IFT140: variants seen among roughly 807,000 people sequenced by gnomAD.
IFT140 encodes the protein intraflagellar transport protein 140 homolog.
In IFT140, 133 loss-of-function variants were observed where a neutral mutation model predicts 164.6. That is an observed-to-expected ratio of 0.81 (90% CI 0.70 to 0.93). The LOEUF (loss-of-function observed/expected upper bound fraction) is 0.93, where lower values mean the gene tolerates loss of function less well. IFT140 is among the 40% of genes least tolerant of loss of function. The probability of loss-of-function intolerance (pLI) is 0.00; values close to 1 mark genes in which losing one functional copy is unlikely to be tolerated. For missense variants in IFT140, 2,045 were observed against 1,972.3 expected, an observed-to-expected ratio of 1.04 and a Z score of -0.70; for synonymous variants, 860 against 817.3, an observed-to-expected ratio of 1.05 and a Z score of -0.89.
chr16:1,582,312 G>T (rs939613650), intron 12 of IFT140, among the ~76,000 whole-genome samples: 1 of 152,202 alleles, frequency 6.6e-6, no homozygotes, highest in East Asian at 1.9e-4. Context: ...GCAGATTTCA[G>T]ACCAGGGGCA....
At chr16:1,516,130 ACT>A (rs1257649659) in intron 30 of IFT140, among the ~76,000 whole-genome samples, 1 of 110,602 alleles carries the variant, frequency 9.0e-6, no homozygotes, top group African/African-American at 3.6e-5. Context: ...AAAGAGCAAA[ACT>A]CTGTCTCAAA....
chr16:1,534,600 C>G (rs542513273), intron 19 of IFT140: 2 of 1,597,860 alleles, frequency 1.3e-6, no homozygotes, highest in Admixed American at 3.3e-5. Context: ...GGCCGAGGCT[C>G]GAGGGCACAT....
chr16:1,532,675 G>A (rs1269972628), intron 19 of IFT140: 1 of 152,416 alleles, frequency 6.6e-6, no homozygotes, highest in East Asian at 1.9e-4. Context: ...CACGGATGTG[G>A]GACACCTGCA....
At position 1,520,711 on chromosome 16, in the gene IFT140, G is replaced by C; in HGVS notation, c.3551C>G (p.Pro1184Arg). The C allele has an allele frequency of 6.2e-7, 1 of 1,612,206 alleles. No individual in the cohort carries two copies. The highest frequency in any genetic ancestry group is 1.1e-5 in the South Asian group (1 of 90,764). ...MTVAKDSSDL[P>R]EESRRELLEQ... ...CAGCAGCTCCCGCCGCGACTCCTCA[G>C]GCAGGTCCGAGGAGTCCTTGGCCAC... Residue 1184 changes from proline (P) to arginine (R), a missense_variant, in exon 27 of 31, where the codon CCT becomes CGT. Physicochemically the swap from Pro to Arg is moderately radical, Grantham distance 103. Transcript: ENST00000426508.
intron 4 of IFT140, among the ~76,000 whole-genome samples, chr16:1,597,611 C>T (rs2035530976): frequency 6.6e-6 from 1 of 152,048 alleles, no homozygotes. Flanking sequence ...AGTGTTGTTC[C>T]CTCTTGATTA....
At position 1,564,856 on chromosome 16, in the gene IFT140, G is replaced by C. The variant is rs1318710368; in HGVS notation, c.1902-694C>G. On this transcript the variant is annotated intron_variant, in intron 16 of 30. Transcript: ENST00000426508. The surrounding 1 kb of genome is among the most constrained non-coding windows in gnomAD (Gnocchi z 5.5). Reference sequence around the variant, plus strand: ...AGGACCCGGTGCTGCAGGACATGAAGATCCCCTAGTAAGCCACTGCACCCA... The same window carrying C: ...AGGACCCGGTGCTGCAGGACATGAACATCCCCTAGTAAGCCACTGCACCCA... 2.6e-5 allele frequency among the ~76,000 whole-genome samples: 4 copies of C among 152,212 alleles called. No homozygotes were observed. Among genetic ancestry groups the C allele is most frequent in the African/African-American group, 9.6e-5 (4 of 41,456 alleles).
chr16:1,606,481 AC>A (rs2142089779), intron 3 of IFT140, among the ~76,000 whole-genome samples: 1 of 152,266 alleles, frequency 6.6e-6, no homozygotes, highest in South Asian at 2.1e-4. Context: ...CTTTTCTGAG[AC>A]AGAGTTTTGC....
At chr16:1,583,199 G>T in intron 12 of IFT140, 115 bp downstream of exon 12, 1 of 897,970 alleles carries the variant, frequency 1.1e-6, no homozygotes, top group Non-Finnish European at 1.8e-6. Context: ...GTAGCACAAG[G>T]GTCTCCCCAG....
At position 1,510,803 on chromosome 16, in the gene IFT140, T is replaced by C; in HGVS notation, c.*141A>G. ...CACACCCTCCGCCGGCCCGGGCCGC[T>C]GCGTTCTCGCCCAGCTCTGTCGCGT... On this transcript the variant is annotated 3_prime_UTR_variant, in exon 31 of 31. Transcript: ENST00000426508. 1.2e-6 allele frequency: 1 copy of C among 811,960 alleles called. No homozygotes were observed. Among genetic ancestry groups the C allele is most frequent in the Non-Finnish European group, 2.0e-6 (1 of 499,194 alleles). The allele number at this position is 811,960 out of a possible 1,614,324, so 50.3% of individuals were successfully genotyped here.
chr16:1,584,454 T>C, intron 10 of IFT140, 34 bp from the exon 11 acceptor site: 1 of 1,540,480 alleles, frequency 6.5e-7, no homozygotes, highest in East Asian at 2.3e-5. Flanking sequence ...AAGAACCAGA[T>C]GTGTGAACAG....
rs2141135557 is a variant in IFT140, at chr16:1,518,366, A to G, written c.4041-9T>C. On this transcript the variant is annotated splice_polypyrimidine_tract_variant and intron_variant, in intron 29 of 30. Coordinates refer to ENST00000426508, the MANE Select transcript of IFT140 (RefSeq NM_014714.4). ...GGTCCTCTGTGTACGTCCTGCCGAG[A>G]GCAGAGATGAGGCCTGGGCCCCGAA... The G allele has an allele frequency of 3.7e-6, 6 of 1,611,820 alleles. No individual in the cohort carries two copies. Among genetic ancestry groups the G allele is most frequent in the Non-Finnish European group, 5.1e-6 (6 of 1,178,772 alleles).
At chr16:1,584,666 G>A (rs2034774533) in intron 10 of IFT140, among the ~76,000 whole-genome samples, 1 of 152,186 alleles carries the variant, frequency 6.6e-6, no homozygotes, top group African/African-American at 2.4e-5. Context: ...GCACTGGTAT[G>A]TCTGTTCTGA....
chr16:1,590,820 G>C (rs1039205397), intron 6 of IFT140, among the ~76,000 whole-genome samples: 2 of 152,098 alleles, frequency 1.3e-5, no homozygotes, highest in African/African-American at 4.8e-5. Context: ...GGCTGGAGTA[G>C]AGTGACATGA....
At chr16:1,524,463 G>T in intron 24 of IFT140, 89 bp downstream of exon 24, 1 of 1,526,134 alleles carries the variant, frequency 6.6e-7, no homozygotes, top group Non-Finnish European at 8.8e-7. Flanking sequence ...ACGTGTCACT[G>T]ACACGATTCT....
chr16:1,554,767 T>G (rs1166001329), intron 19 of IFT140: 1 of 1,613,398 alleles, frequency 6.2e-7, no homozygotes, highest in Non-Finnish European at 8.5e-7. Flanking sequence ...CTCTCAACCC[T>G]TCTCTCATCT....
rs752166799 is a variant in IFT140 at position 1,564,126 on chromosome 16, A to G, written c.1938T>C (p.Tyr646=). The G allele has an allele frequency of 1.8e-5, 29 of 1,588,728 alleles. No individual in the cohort carries two copies. The highest frequency in any genetic ancestry group is 2.3e-5 in the Non-Finnish European group (27 of 1,160,968). The stretch of plus-strand genomic sequence containing the variant: ...GGTCCCAGAAGTGGTTCACGGGAAC[A>G]TAATTTTTCAGTCCCTCATCCACAA... ...HLFVDEGLKN[Y]VPVNHFWDQS... Residue 646 remains tyrosine (Y), a synonymous_variant, in exon 17 of 31, where the codon TAT becomes TAC. Coordinates refer to ENST00000426508, the MANE Select transcript of IFT140 (RefSeq NM_014714.4). The surrounding 1 kb of genome is among the most constrained non-coding windows in gnomAD (Gnocchi z 5.5).
chr16:1,600,685 G>T (rs76029189), intron 4 of IFT140, among the ~76,000 whole-genome samples: 2 of 152,066 alleles, frequency 1.3e-5, no homozygotes, highest in East Asian at 3.8e-4. Context: ...GCTGTAAAAT[G>T]AAAAAGCAAG....
Position 1,526,066 on chromosome 16 carries a change from C to T in IFT140, c.2589G>A (p.Glu863=), listed in dbSNP as rs765470612. ...ATQLGMLEDA[E]QLYRKCKRHD... Reference sequence around the variant, plus strand: ...GGCGCTTGCACTTCCTGTACAGCTGCTCGGCGTCCTCCTGAGGAATGAGGA... The same window carrying T: ...GGCGCTTGCACTTCCTGTACAGCTGTTCGGCGTCCTCCTGAGGAATGAGGA... Residue 863 remains glutamate, a synonymous_variant, in exon 21 of 31, where the codon GAG becomes GAA. Coordinates refer to ENST00000426508, the MANE Select transcript of IFT140 (RefSeq NM_014714.4). 22 of 1,587,180 alleles carry T rather than the reference C, an allele frequency of 1.4e-5. No homozygotes were observed. The highest frequency in any genetic ancestry group is 2.7e-5 in the African/African-American group (2 of 74,452).
chr16:1,522,970 C>T (rs907416777), intron 26 of IFT140, among the ~76,000 whole-genome samples: 1 of 152,074 alleles, frequency 6.6e-6, no homozygotes, highest in Non-Finnish European at 1.5e-5. Flanking sequence ...TCTACAGTCC[C>T]AGTGCTTTGG....
Sources: allele counts gnomAD v4.1 joint callset (sites outside exome capture counted in the v4.1 genomes callset), GRCh38; gene constraint gnomAD v4.1.1; non-coding constraint Gnocchi (gnomAD v3.1); transcripts MANE v1.5; gene names NCBI Gene and HGNC (gene_info 2026-07-23, HGNC 2026-07-21).